Variants in COL5A1 observed in about 807,000 individuals in gnomAD.
COL5A1 encodes the protein collagen alpha-1(V) chain.
A neutral mutation model predicts 263.7 loss-of-function variants in COL5A1; 16 were observed. The ratio of observed to expected loss-of-function variants is 0.06; its 90% CI spans 0.04 to 0.09. COL5A1 has a LOEUF of 0.09. Among genes scored for constraint, COL5A1 ranks in the 10% least tolerant of loss-of-function variants. The probability of loss-of-function intolerance (pLI) is 1.00; values close to 1 mark genes in which losing one functional copy is unlikely to be tolerated. For synonymous variants in COL5A1, 1,012 were observed against 1,004.5 expected (o/e 1.01, Z -0.14); for missense variants, 2,036 against 2,540.5 (o/e 0.80, Z 4.27).
chr9:134,651,132 A>G (rs1299941311), intron 1 of COL5A1, among the ~76,000 whole-genome samples: 1 of 152,244 alleles, frequency 6.6e-6, no homozygotes, highest in Non-Finnish European at 1.5e-5. Context: ...CCCAGGCAAC[A>G]GTGCGTACCT....
intron 31 of COL5A1, among the ~76,000 whole-genome samples, chr9:134,786,957 G>A (rs963487821): frequency 1.2e-4 from 18 of 152,184 alleles, no homozygotes; most frequent in African/African-American, 2.9e-4. Context: ...GCTCCTGTCC[G>A]TCCTTCCTGT....
intron 53 of COL5A1, 148 bp downstream of exon 53, chr9:134,817,227 G>T: frequency 1.4e-6 from 1 of 726,690 alleles, no homozygotes; most frequent in Non-Finnish European, 2.4e-6. Context: ...ACTTAGCCTC[G>T]GCCACATCAT....
At chr9:134,658,485 T>A (rs1385713501) in intron 1 of COL5A1, among the ~76,000 whole-genome samples, 1 of 152,102 alleles carries the variant, frequency 6.6e-6, no homozygotes, top group African/African-American at 2.4e-5. Flanking sequence ...CTGCTGGGCC[T>A]GTCCTTGCAC....
intron 31 of COL5A1, among the ~76,000 whole-genome samples, chr9:134,788,358 G>A (rs775377560): frequency 3.3e-5 from 5 of 151,402 alleles, no homozygotes; most frequent in African/African-American, 4.9e-5. Context: ...ATGAATGGAT[G>A]GGTGGGCAGG....
At chr9:134,834,885 A>C in intron 64 of COL5A1, 86 bp from the exon 65 acceptor site, 1 of 951,576 alleles carries the variant, frequency 1.1e-6, no homozygotes, top group Admixed American at 2.0e-5. Flanking sequence ...CCACAGTGTG[A>C]GTGAAGCCCA....
chr9:134,684,700 C>A (rs758078805), intron 1 of COL5A1, among the ~76,000 whole-genome samples: 28 of 152,216 alleles, frequency 1.8e-4, no homozygotes, highest in Admixed American at 7.2e-4. Flanking sequence ...AGAAGCTGAC[C>A]TCCATGGGGA....
chr9:134,814,033 C>T lies in COL5A1; in HGVS notation c.3903C>T (p.Pro1301=). 1 of 1,550,764 alleles carries T rather than the reference C, an allele frequency of 6.4e-7. No individual in the cohort carries two copies. Among genetic ancestry groups the T allele is most frequent in the Non-Finnish European group, 8.7e-7 (1 of 1,146,998 alleles). The stretch of plus-strand genomic sequence containing the variant: ...CTGGCCTTCCGGGAGAAGGCGGCCC[C>T]CCGGTGAGTGAGCGGGCGCTGCGGG... ...GEPGLPGEGG[P]PGPKGERGEK... is the part of the protein sequence containing the mutation. Residue 1301 remains proline (P), a synonymous_variant, in exon 49 of 66, where the codon CCC becomes CCT. Coordinates refer to ENST00000371817, the MANE Select transcript of COL5A1 (RefSeq NM_000093.5).
intron 49 of COL5A1, among the ~76,000 whole-genome samples, chr9:134,814,332 G>A (rs554328350): frequency 5.0e-4 from 76 of 152,276 alleles, no homozygotes; most frequent in African/African-American, 1.3e-3. Flanking sequence ...TCGTCCCCCC[G>A]GACCTTGAGG....
intron 9 of COL5A1, among the ~76,000 whole-genome samples, chr9:134,736,838 G>C (rs913462707): frequency 2.0e-5 from 3 of 152,214 alleles, no homozygotes; most frequent in Admixed American, 6.5e-5. Context: ...CATTCCAAAA[G>C]AGAAGCATGA....
Position 134,808,269 on chromosome 9 carries a change from T to C in COL5A1, c.3367-914T>C, listed in dbSNP as rs147947987. On this transcript the variant is annotated intron_variant, in intron 42 of 65. Coordinates refer to ENST00000371817, the MANE Select transcript of COL5A1 (RefSeq NM_000093.5). ...TGTGCACACCCTCCTTCTGTGTATCTGTCGGAAGATAGGGATCCCTGTCTG... is the reference window on the plus strand; with the variant it reads ...TGTGCACACCCTCCTTCTGTGTATCCGTCGGAAGATAGGGATCCCTGTCTG... Among the ~76,000 whole-genome samples, 345 of 152,290 alleles carry C rather than the reference T, an allele frequency of 2.3e-3. 2 individuals are homozygous for C. The highest frequency in any genetic ancestry group is 0.017 in the Middle Eastern group (5 of 292).
intron 4 of COL5A1, among the ~76,000 whole-genome samples, chr9:134,720,486 C>T (rs927518908): frequency 4.6e-5 from 7 of 152,318 alleles, no homozygotes; most frequent in African/African-American, 1.7e-4. Context: ...AACATGAAGT[C>T]GTGATCCTAG....
At chr9:134,733,941 A>G (rs1204687285) in intron 9 of COL5A1, among the ~76,000 whole-genome samples, 1 of 152,176 alleles carries the variant, frequency 6.6e-6, no homozygotes, top group Non-Finnish European at 1.5e-5. Context: ...TCGGGGAGGA[A>G]GATGGGATCT....
rs563955137 is a variant in COL5A1 at position 134,754,403 on chromosome 9, C to T, written c.1827+77C>T. 1 of 1,530,804 alleles carries T rather than the reference C, an allele frequency of 6.5e-7. No individual in the cohort carries two copies. Among genetic ancestry groups the T allele is most frequent in the South Asian group, 1.1e-5 (1 of 89,444 alleles). The allele number at this position is 1,530,804 out of a possible 1,614,324, so 94.8% of individuals were successfully genotyped here. A position where few individuals can be genotyped will look rare whatever the true frequency, so the allele number is the denominator to read the frequency against. Reference sequence around the variant, plus strand: ...GAGCCCAAATCTGGGGTGCGGGCACCCCCAACAGCCAGCTGGGCCACATGA... The same window carrying T: ...GAGCCCAAATCTGGGGTGCGGGCACTCCCAACAGCCAGCTGGGCCACATGA... On this transcript the variant is annotated intron_variant, in intron 16 of 65. Coordinates refer to ENST00000371817, the MANE Select transcript of COL5A1 (RefSeq NM_000093.5). The surrounding 1 kb of genome is among the most constrained non-coding windows in gnomAD (Gnocchi z 4.3).
In COL5A1 at chr9:134,731,603, C is replaced by A. The variant is rs758427503; in HGVS notation, c.1272C>A (p.Thr424=). The change falls in exon 8 of 66, where the codon ACC becomes ACA. Residue 424 remains threonine (T), a synonymous_variant. Coordinates refer to ENST00000371817, the MANE Select transcript of COL5A1 (RefSeq NM_000093.5). ...ACTACGACCCCTACTACGACCCCACCAGCTCCCCGTCGGAGATCGGGCCGG... is the reference window on the plus strand; with the variant it reads ...ACTACGACCCCTACTACGACCCCACAAGCTCCCCGTCGGAGATCGGGCCGG... ...ENYYDPYYDP[T]SSPSEIGPGM... The A allele has an allele frequency of 1.2e-6, 2 of 1,614,222 alleles. No homozygotes were observed. Among genetic ancestry groups the A allele is most frequent in the Non-Finnish European group, 1.7e-6 (2 of 1,180,042 alleles).
At chr9:134,760,913 A>ACAGACGCATACATACC (rs1836395323) in intron 18 of COL5A1, among the ~76,000 whole-genome samples, 1 of 147,444 alleles carries the variant, frequency 6.8e-6, no homozygotes, top group Admixed American at 6.7e-5. Flanking sequence ...ACACATGCAC[A>ACAGACGCATACATACC]CACACACGTA....
At chr9:134,797,645 G>C (rs1837960721) in intron 36 of COL5A1, among the ~76,000 whole-genome samples, 2 of 152,124 alleles carry the variant, frequency 1.3e-5, no homozygotes, top group South Asian at 4.1e-4. Context: ...ACCACACCCA[G>C]CTAATTTTTG....
rs3124309 is a variant in COL5A1, at chr9:134,731,347, C to T, written c.1165-149C>T. 361,434 of 810,496 alleles carry T rather than the reference C, an allele frequency of 0.45. 84,479 individuals are homozygous for T. Among genetic ancestry groups the T allele is most frequent in the Admixed American group, 0.65 (31,834 of 49,010 alleles). 50.2% of individuals were successfully genotyped at this position (810,496 alleles called of 1,614,324 possible). ...AGAGGGGGGTCTCTGCCCAGTTGAC[C>T]GGGTAGCCATGGTGCCAGCACAGGG... On this transcript the variant is annotated intron_variant, in intron 7 of 65. Coordinates refer to ENST00000371817, the MANE Select transcript of COL5A1 (RefSeq NM_000093.5).
chr9:134,760,776 C>T (rs887013453), intron 18 of COL5A1, among the ~76,000 whole-genome samples: 2 of 141,286 alleles, frequency 1.4e-5, no homozygotes, highest in Admixed American at 7.1e-5. Flanking sequence ...CGAACACCAC[C>T]TACACATGCA....
chr9:134,728,895 G>C, intron 6 of COL5A1, 88 bp downstream of exon 6: 1 of 1,560,460 alleles, frequency 6.4e-7, no homozygotes, highest in Non-Finnish European at 8.8e-7. Context: ...TTGTGTCAGG[G>C]TAGAGGGTTG....
Sources: gnomAD v4.1 joint callset for allele counts (sites outside exome capture counted in the v4.1 genomes callset) on GRCh38, gnomAD v4.1.1 for gene constraint, Gnocchi (gnomAD v3.1) non-coding constraint, MANE v1.5 for transcripts, NCBI Gene and HGNC (gene_info 2026-07-23, HGNC 2026-07-21) for gene names.